FLRT1: variants seen among roughly 807,000 people sequenced by gnomAD.
The protein encoded by FLRT1 is leucine-rich repeat transmembrane protein FLRT1.
In FLRT1, 14 loss-of-function variants were observed where a neutral mutation model predicts 30.9. That is an observed-to-expected ratio of 0.45 (90% CI 0.30 to 0.71). FLRT1 has a LOEUF of 0.71. Ranked by LOEUF, FLRT1 falls within the 30% of genes least tolerant of loss-of-function variation. The pLI, the probability that FLRT1 is intolerant of heterozygous loss-of-function variation, is 0.08. For missense variants in FLRT1, 737 were observed against 949.2 expected (o/e 0.78, Z 2.94); for synonymous variants, 368 against 430.4 (o/e 0.85, Z 1.80).
intron 1 of FLRT1, among the ~76,000 whole-genome samples, chr11:64,063,113 G>A (rs1179887623): frequency 6.6e-6 from 1 of 152,152 alleles, no homozygotes; most frequent in Admixed American, 6.5e-5. Context: ...AGAGAACAAC[G>A]CGGGCAGCAG....
chr11:64,108,238 A>G (rs1185224727), intron 2 of FLRT1, among the ~76,000 whole-genome samples: 2 of 151,556 alleles, frequency 1.3e-5, no homozygotes, highest in African/African-American at 2.4e-5. Context: ...GCCTGAACCC[A>G]GGAGGCAGAG....
intron 1 of FLRT1, among the ~76,000 whole-genome samples, chr11:64,056,567 C>T (rs1565212337): frequency 1.3e-5 from 2 of 152,122 alleles, no homozygotes; most frequent in East Asian, 1.9e-4. Context: ...AAACCTCATG[C>T]CCCAAAGGCT....
At chr11:64,113,884 ATGGAT>A (rs1944913347) in intron 2 of FLRT1, among the ~76,000 whole-genome samples, 1 of 146,550 alleles carries the variant, frequency 6.8e-6, no homozygotes, top group Non-Finnish European at 1.5e-5. Context: ...GGATGGATGG[ATGGAT>A]GGATGGATGG....
intron 1 of FLRT1, among the ~76,000 whole-genome samples, chr11:64,078,496 C>T (rs990523460): frequency 9.9e-5 from 15 of 152,218 alleles, no homozygotes; most frequent in African/African-American, 2.9e-4. Flanking sequence ...TATTCCACCC[C>T]GGCCTCCCCT....
chr11:64,098,942 G>A (rs937028239), intron 1 of FLRT1, among the ~76,000 whole-genome samples: 2 of 152,196 alleles, frequency 1.3e-5, no homozygotes, highest in Non-Finnish European at 2.9e-5. Flanking sequence ...GAAACAGGAG[G>A]GCTAATTGCT....
intron 1 of FLRT1, among the ~76,000 whole-genome samples, chr11:64,045,914 C>T (rs942365182): frequency 6.6e-6 from 1 of 152,142 alleles, no homozygotes; most frequent in South Asian, 2.1e-4. Flanking sequence ...TAGCGAGACC[C>T]CATCTCTTAA....
chr11:64,057,452 G>C (rs1309387350), intron 1 of FLRT1, among the ~76,000 whole-genome samples: 1 of 152,208 alleles, frequency 6.6e-6, no homozygotes, highest in Admixed American at 6.5e-5. Context: ...AGAGAGGCCA[G>C]ACCCAGTCCC....
intron 2 of FLRT1, among the ~76,000 whole-genome samples, chr11:64,105,180 G>A (rs1268338634): frequency 6.6e-6 from 1 of 152,230 alleles, no homozygotes; most frequent in South Asian, 2.1e-4. Flanking sequence ...GCGCCAGCCC[G>A]ACAGCGGGGC....
intron 1 of FLRT1, among the ~76,000 whole-genome samples, chr11:64,053,983 C>T (rs2186565): frequency 0.012 from 1,785 of 152,240 alleles, 38 homozygotes; most frequent in African/African-American, 0.04. Flanking sequence ...CCGTGCTGGG[C>T]GCTCTGCACT....
chr11:64,114,955 G>C (rs961437291), intron 2 of FLRT1, among the ~76,000 whole-genome samples: 2 of 152,216 alleles, frequency 1.3e-5, no homozygotes, highest in East Asian at 1.9e-4. Context: ...AGAGAAGACA[G>C]AAAGTTTGGC....
At chr11:64,079,557 C>T (rs539102114) in intron 1 of FLRT1, among the ~76,000 whole-genome samples, 12 of 152,244 alleles carry the variant, frequency 7.9e-5, no homozygotes, top group Admixed American at 2.0e-4. Context: ...AGACCGCAGC[C>T]GCCACGGGCA....
chr11:64,098,924 G>C (rs1301036635), intron 1 of FLRT1, among the ~76,000 whole-genome samples: 3 of 152,242 alleles, frequency 2.0e-5, no homozygotes, highest in Non-Finnish European at 4.4e-5. Context: ...AGAGCCAAAG[G>C]TTGAAATGAA....
intron 1 of FLRT1, among the ~76,000 whole-genome samples, chr11:64,069,943 C>T (rs574858242): frequency 3.9e-5 from 6 of 152,162 alleles, no homozygotes; most frequent in Admixed American, 3.3e-4. Context: ...GAGCCCGACT[C>T]GCGCCCAGTG....
chr11:64,094,180 C>G (rs1944537237), intron 1 of FLRT1, among the ~76,000 whole-genome samples: 1 of 152,192 alleles, frequency 6.6e-6, no homozygotes, highest in South Asian at 2.1e-4. Flanking sequence ...CGCCTGTAAT[C>G]CCAGAACTTT....
intron 1 of FLRT1, among the ~76,000 whole-genome samples, chr11:64,056,465 C>T (rs1943787504): frequency 6.6e-6 from 1 of 152,178 alleles, no homozygotes; most frequent in Non-Finnish European, 1.5e-5. Flanking sequence ...GGAGCAGCTG[C>T]GGGAACAGGA....
intron 1 of FLRT1, among the ~76,000 whole-genome samples, chr11:64,078,185 G>A (rs1184570077): frequency 6.6e-6 from 1 of 152,212 alleles, no homozygotes. Flanking sequence ...GCCCGCCCCA[G>A]AGATGCAGAA....
At chr11:64,053,197 G>C (rs1436608103) in intron 1 of FLRT1, among the ~76,000 whole-genome samples, 1 of 152,190 alleles carries the variant, frequency 6.6e-6, no homozygotes, top group Non-Finnish European at 1.5e-5. Flanking sequence ...GGGTGGGCGT[G>C]CTGGGGAGCA....
chr11:64,096,915 C>T lies in FLRT1; in HGVS notation c.-1037-6279C>T, dbSNP rs1312907501. Among the ~76,000 whole-genome samples, 2 of 152,216 alleles carry T rather than the reference C, an allele frequency of 1.3e-5. No individual in the cohort carries two copies. The highest frequency in any genetic ancestry group is 2.4e-5 in the African/African-American group (1 of 41,460). On this transcript the variant is annotated intron_variant, in intron 1 of 2. Coordinates refer to ENST00000682287, the MANE Select transcript of FLRT1 (RefSeq NM_013280.5). The surrounding 1 kb of genome is among the most constrained non-coding windows in gnomAD (Gnocchi z 4.6). Reference sequence around the variant, plus strand: ...TGCCTGTCCCTCCGTGAGCTGGGTGCGAGTGGCCCTTGCTGGTCCCCCGCT... The same window carrying T: ...TGCCTGTCCCTCCGTGAGCTGGGTGTGAGTGGCCCTTGCTGGTCCCCCGCT...
intron 1 of FLRT1, among the ~76,000 whole-genome samples, chr11:64,091,268 C>T (rs1944485532): frequency 6.6e-6 from 1 of 152,046 alleles, no homozygotes; most frequent in Non-Finnish European, 1.5e-5. Flanking sequence ...TTCATCCTGC[C>T]TCAGAAGGAG....
Sources: gnomAD v4.1 joint callset for allele counts (sites outside exome capture counted in the v4.1 genomes callset) on GRCh38, gnomAD v4.1.1 for gene constraint, Gnocchi (gnomAD v3.1) non-coding constraint, MANE v1.5 for transcripts, NCBI Gene and HGNC (gene_info 2026-07-23, HGNC 2026-07-21) for gene names.